PANK4: variants seen among roughly 807,000 people sequenced by gnomAD.
PANK4 encodes the protein 4'-phosphopantetheine phosphatase.
PANK4 carries 40 observed loss-of-function variants against 87.9 expected under a neutral mutation model. The observed-to-expected ratio is 0.46, with a 90% CI of 0.35 to 0.59. PANK4 has a LOEUF of 0.59. Ranked by LOEUF, PANK4 falls within the 20% of genes least tolerant of loss-of-function variation. PANK4 has a pLI of 0.00. For synonymous variants in PANK4, 524 were observed against 467.4 expected, an observed-to-expected ratio of 1.12 and a Z score of -1.56; for missense variants, 926 against 1,072.3, an observed-to-expected ratio of 0.86 and a Z score of 1.90.
At chr1:2,518,478 G>A in intron 8 of PANK4, 38 bp downstream of exon 8, 1 of 1,514,270 alleles carries the variant, frequency 6.6e-7, no homozygotes, top group Non-Finnish European at 9.0e-7. Flanking sequence ...CACAGCTGAG[G>A]CCCCACGCTG....
chr1:2,510,831 G>A lies in PANK4; in HGVS notation c.1834-49C>T. ...CAGTTGGGAACAGGCGCATCCAAGC[G>A]AGTCAGTCCGCACCCCTGCTGCCCG... is the stretch of plus-strand genomic sequence containing the variant. On this transcript the variant is annotated intron_variant, in intron 15 of 18. Transcript: ENST00000378466. The surrounding 1 kb of genome is among the most constrained non-coding windows in gnomAD (Gnocchi z 4.9). 8.3e-6 allele frequency: 9 copies of A among 1,089,246 alleles called. No individual in the cohort carries two copies. The highest frequency in any genetic ancestry group is 2.5e-5 in the South Asian group (2 of 80,490). 67.5% of individuals were successfully genotyped at this position (1,089,246 alleles called of 1,614,324 possible).
At chr1:2,523,371 C>A (rs1643894206) in intron 1 of PANK4, among the ~76,000 whole-genome samples, 1 of 152,134 alleles carries the variant, frequency 6.6e-6, no homozygotes, top group South Asian at 2.1e-4. Flanking sequence ...CTGGCCGGGC[C>A]CGGAGAGTCT....
At position 2,508,952 on chromosome 1, in the gene PANK4, G is replaced by T; in HGVS notation, c.2217C>A (p.Arg739=). 6.2e-7 allele frequency: 1 copy of T among 1,610,360 alleles called. No individual in the cohort carries two copies. Among genetic ancestry groups the T allele is most frequent in the Non-Finnish European group, 8.5e-7 (1 of 1,179,166 alleles). Residue 739 remains arginine, a synonymous_variant, in exon 19 of 19, where the codon CGC becomes CGA. Coordinates refer to ENST00000378466, the MANE Select transcript of PANK4 (RefSeq NM_018216.4). This position sits in a 1 kb window ranked among gnomAD's most constrained non-coding sequence, Gnocchi z 5.1. ...AVHTNYHAAL[R]CESLKLAVIK... Reference sequence around the variant, plus strand: ...TGACGGCCAGCTTGAGGCTCTCGCAGCGCAGGGCTGCGTGGTAGTTTGTGT... The same window carrying T: ...TGACGGCCAGCTTGAGGCTCTCGCATCGCAGGGCTGCGTGGTAGTTTGTGT...
At chr1:2,513,861 G>A (rs1010106678) in intron 12 of PANK4, 141 bp downstream of exon 12, 11 of 729,240 alleles carry the variant, frequency 1.5e-5, no homozygotes, top group Non-Finnish European at 2.8e-5. Context: ...GTGGTGCCAG[G>A]GCTGGAGTTG....
chr1:2,521,172 G>A lies in PANK4; in HGVS notation c.351C>T (p.Thr117=), dbSNP rs1230285815. 3 of 1,613,992 alleles carry A rather than the reference G, an allele frequency of 1.9e-6. No homozygotes were observed. In the Admixed American group the frequency reaches 5.0e-5, roughly 27 times the overall value. ...CGCCCCCGGTCGCCTGGATGACCTT[G>A]GTCTCTGTGTTGACGAGATGGTCTT... ...FIKDHLVNTE[T]KVIQATGGGA... Residue 117 remains threonine (T), a synonymous_variant, in exon 3 of 19, where the codon ACC becomes ACT. Transcript: ENST00000378466.
At chr1:2,514,797 C>T (rs767222821) in intron 10 of PANK4, among the ~76,000 whole-genome samples, 2 of 151,918 alleles carry the variant, frequency 1.3e-5, no homozygotes, top group Non-Finnish European at 2.9e-5. Flanking sequence ...CACGGTCACC[C>T]GAGGCTTCCC....
At chr1:2,522,074 G>A in intron 1 of PANK4, 2 of 516,132 alleles carry the variant, frequency 3.9e-6, no homozygotes, top group African/African-American at 1.9e-5. Flanking sequence ...ACCAAGTCCT[G>A]CAGAGGAAAG....
At chr1:2,524,468 C>G (rs937739570) in intron 1 of PANK4, among the ~76,000 whole-genome samples, 4 of 152,204 alleles carry the variant, frequency 2.6e-5, no homozygotes, top group Non-Finnish European at 5.9e-5. Flanking sequence ...CTCTTAAGAA[C>G]CAGAGACACA....
At position 2,515,158 on chromosome 1, in the gene PANK4, C is replaced by G; in HGVS notation, c.1374+404G>C. 1 of 384,884 alleles carries G rather than the reference C, an allele frequency of 2.6e-6. No individual in the cohort carries two copies. The highest frequency in any genetic ancestry group is 5.2e-6 in the Non-Finnish European group (1 of 193,762). 23.8% of individuals were successfully genotyped at this position (384,884 alleles called of 1,614,324 possible). A position where few individuals can be genotyped will look rare whatever the true frequency, so the allele number is the denominator to read the frequency against. On this transcript the variant is annotated intron_variant, in intron 10 of 18. Coordinates refer to ENST00000378466, the MANE Select transcript of PANK4 (RefSeq NM_018216.4). The surrounding 1 kb of genome is among the most constrained non-coding windows in gnomAD (Gnocchi z 5.0). ...GCCCAGCCTTGGAGAAGGTGGGACG[C>G]AGGAGTCCCAAGGTGGCCTCGCCGG...
intron 1 of PANK4, 39 bp downstream of exon 1, chr1:2,526,425 G>A (rs775061657): frequency 4.5e-6 from 4 of 881,916 alleles, no homozygotes; most frequent in Non-Finnish European, 4.3e-6. Flanking sequence ...CGCCCCGCCC[G>A]CCCCCGCAGC....
chr1:2,510,280 C>T lies in PANK4; in HGVS notation c.1939-123G>A, dbSNP rs1643638829. On this transcript the variant is annotated intron_variant, in intron 16 of 18. Coordinates refer to ENST00000378466, the MANE Select transcript of PANK4 (RefSeq NM_018216.4). This position sits in a 1 kb window ranked among gnomAD's most constrained non-coding sequence, Gnocchi z 4.9. ...GCTGTGCCCAGCGGGCCTGGCCAGCCACCTGCTGCTGAGGAGCAGGGACCT... is the reference window on the plus strand; with the variant it reads ...GCTGTGCCCAGCGGGCCTGGCCAGCTACCTGCTGCTGAGGAGCAGGGACCT... 1.4e-6 allele frequency: 1 copy of T among 699,218 alleles called. No individual in the cohort carries two copies. Among genetic ancestry groups the T allele is most frequent in the Non-Finnish European group, 2.6e-6 (1 of 385,572 alleles). The allele number at this position is 699,218 out of a possible 1,614,324, so 43.3% of individuals were successfully genotyped here. A position where few individuals can be genotyped will look rare whatever the true frequency, so the allele number is the denominator to read the frequency against.
At position 2,510,165 on chromosome 1, in the gene PANK4, A is replaced by C; in HGVS notation, c.1939-8T>G. The C allele has an allele frequency of 6.4e-7, 1 of 1,559,048 alleles. No individual in the cohort carries two copies. Among genetic ancestry groups the C allele is most frequent in the Non-Finnish European group, 8.8e-7 (1 of 1,139,562 alleles). Reference sequence around the variant, plus strand: ...GTTGCACGCCAGGATGACCTGCAGGAGGAGGGCCCAGGCTCTTTAGGAACC... The same window carrying C: ...GTTGCACGCCAGGATGACCTGCAGGCGGAGGGCCCAGGCTCTTTAGGAACC... On this transcript the variant is annotated splice_polypyrimidine_tract_variant and splice_region_variant and intron_variant, in intron 16 of 18. Coordinates refer to ENST00000378466, the MANE Select transcript of PANK4 (RefSeq NM_018216.4). The surrounding 1 kb of genome is among the most constrained non-coding windows in gnomAD (Gnocchi z 4.9).
In PANK4 at chr1:2,519,547, T is replaced by C. The variant is rs1312864504; in HGVS notation, c.854-223A>G. 6.6e-6 allele frequency among the ~76,000 whole-genome samples: 1 copy of C among 152,146 alleles called. No individual in the cohort carries two copies. The highest frequency in any genetic ancestry group is 1.9e-4 in the East Asian group (1 of 5,174). ...TTCCTGGACGGATTAAGCTTTGTTT[T>C]GAAGGAGGAAAAAACCCAATCAGGA... On this transcript the variant is annotated intron_variant, in intron 6 of 18. Coordinates refer to ENST00000378466, the MANE Select transcript of PANK4 (RefSeq NM_018216.4). The surrounding 1 kb of genome is among the most constrained non-coding windows in gnomAD (Gnocchi z 8.3).
intron 1 of PANK4, chr1:2,525,918 GC>G (rs1481884034): frequency 6.6e-6 from 1 of 152,240 alleles, no homozygotes; most frequent in Non-Finnish European, 1.5e-5. Flanking sequence ...AGAGAGCGGG[GC>G]CTGTGCACGG....
Position 2,520,042 on chromosome 1 carries a change from C to G in PANK4, c.700-88G>C. ...GAAACCAAGCCCATGGCAGGAGGCA[C>G]GCGCGGGCAGGGGGTAAATGGGCCC... On this transcript the variant is annotated intron_variant, in intron 5 of 18. Transcript: ENST00000378466. This position sits in a 1 kb window ranked among gnomAD's most constrained non-coding sequence, Gnocchi z 6.2. 1 of 1,313,892 alleles carries G rather than the reference C, an allele frequency of 7.6e-7. No homozygotes were observed. The highest frequency in any genetic ancestry group is 1.4e-5 in the South Asian group (1 of 68,984). The allele number at this position is 1,313,892 out of a possible 1,614,324, so 81.4% of individuals were successfully genotyped here. A position where few individuals can be genotyped will look rare whatever the true frequency, so the allele number is the denominator to read the frequency against.
rs1643926463 is a variant in PANK4 at position 2,526,480 on chromosome 1, G to A, written c.108C>T (p.Arg36=). 1.3e-6 allele frequency: 2 copies of A among 1,564,762 alleles called. No individual in the cohort carries two copies. The highest frequency in any genetic ancestry group is 1.8e-4 in the Middle Eastern group (1 of 5,648). ...TGCGGCTACCTATGTCGATGGCGAA[G>A]CGCTTGGCGTTCTCCAGGTTGCGGA... The part of the protein sequence containing the change: ...EIFRNLENAK[R]FAIDIGGSLT... Residue 36 remains arginine, a synonymous_variant, in exon 1 of 19, where the codon CGC becomes CGT. Coordinates refer to ENST00000378466, the MANE Select transcript of PANK4 (RefSeq NM_018216.4).
In PANK4 at chr1:2,510,427, G is replaced by C. The variant is rs919176817; in HGVS notation, c.1938+251C>G. On this transcript the variant is annotated intron_variant, in intron 16 of 18. Coordinates refer to ENST00000378466, the MANE Select transcript of PANK4 (RefSeq NM_018216.4). The surrounding 1 kb of genome is among the most constrained non-coding windows in gnomAD (Gnocchi z 4.9). ...GTCACAGCCCCAAAGCCTCCTTGCTGTGAGCACCCTTCCAGGAGCCTGGCG... is the reference window on the plus strand; with the variant it reads ...GTCACAGCCCCAAAGCCTCCTTGCTCTGAGCACCCTTCCAGGAGCCTGGCG... 3 of 596,852 alleles carry C rather than the reference G, an allele frequency of 5.0e-6. No homozygotes were observed. In the African/African-American group the frequency reaches 5.6e-5, roughly 11 times the overall value. 37.0% of individuals were successfully genotyped at this position (596,852 alleles called of 1,614,324 possible).
chr1:2,509,019 C>T lies in PANK4; in HGVS notation c.2150G>A (p.Gly717Asp). Residue 717 changes from glycine (G) to aspartate (D), a missense_variant, in exon 19 of 19, where the codon GGC becomes GAC. Coordinates refer to ENST00000378466, the MANE Select transcript of PANK4 (RefSeq NM_018216.4). The surrounding 1 kb of genome is among the most constrained non-coding windows in gnomAD (Gnocchi z 4.9). Reference sequence around the variant, plus strand: ...GCCCTCGATGACCACCAGATCCGCGCCACGCTCCCGCACCAGTGCGGCCAG... The same window carrying T: ...GCCCTCGATGACCACCAGATCCGCGTCACGCTCCCGCACCAGTGCGGCCAG... ...KGLAALVRER[G>D]ADLVVIEGMG... 6.2e-7 allele frequency: 1 copy of T among 1,604,196 alleles called. No individual in the cohort carries two copies. The highest frequency in any genetic ancestry group is 8.5e-7 in the Non-Finnish European group (1 of 1,179,602).
At chr1:2,522,056 C>T in intron 1 of PANK4, 1 of 531,774 alleles carries the variant, frequency 1.9e-6, no homozygotes, top group African/African-American at 1.9e-5. Context: ...GTCCCGCTTC[C>T]CCTTGGCACC....
Sources: gnomAD v4.1 joint callset for allele counts (sites outside exome capture counted in the v4.1 genomes callset) on GRCh38, gnomAD v4.1.1 for gene constraint, Gnocchi (gnomAD v3.1) non-coding constraint, MANE v1.5 for transcripts, NCBI Gene and HGNC (gene_info 2026-07-23, HGNC 2026-07-21) for gene names.